NMT2: variants seen among roughly 807,000 people sequenced by gnomAD.
NMT2 encodes N-myristoyltransferase 2, also known as glycylpeptide N-tetradecanoyltransferase 2.
A neutral mutation model predicts 65.4 loss-of-function variants in NMT2; 35 were observed. That is an observed-to-expected ratio of 0.54 (90% CI 0.41 to 0.71). NMT2 has a LOEUF of 0.71. NMT2 is among the 30% of genes least tolerant of loss of function. The pLI, the probability that NMT2 is intolerant of heterozygous loss-of-function variation, is 0.00. For missense variants in NMT2, 489 were observed against 611.3 expected (o/e 0.80, Z 2.11); for synonymous variants, 226 against 231.8 (o/e 0.98, Z 0.23).
intron 6 of NMT2, among the ~76,000 whole-genome samples, chr10:15,131,263 C>T (rs1029784018): frequency 2.0e-5 from 3 of 151,486 alleles, no homozygotes; most frequent in Non-Finnish European, 4.4e-5. Context: ...GTCCATTATA[C>T]GTTTTCAGTT....
At chr10:15,117,997 T>C (rs1845799776) in intron 9 of NMT2, among the ~76,000 whole-genome samples, 1 of 152,160 alleles carries the variant, frequency 6.6e-6, no homozygotes, top group Non-Finnish European at 1.5e-5. Context: ...AGGTATTTTG[T>C]AGGCAAAAAT....
At chr10:15,112,420 G>C (rs45461898) in intron 10 of NMT2, among the ~76,000 whole-genome samples, 8,443 of 149,696 alleles carry the variant, frequency 0.056, 265 homozygotes, top group East Asian at 0.095. Context: ...GTAGAGACGA[G>C]GTTTCACCAT....
chr10:15,111,434 A>T (rs1048150578), intron 10 of NMT2, among the ~76,000 whole-genome samples: 1 of 147,658 alleles, frequency 6.8e-6, no homozygotes, highest in African/African-American at 2.5e-5. Flanking sequence ...TCACTTGAAC[A>T]TGGGAAGCAG....
chr10:15,122,829 A>G (rs1845967981), intron 8 of NMT2, among the ~76,000 whole-genome samples: 1 of 152,200 alleles, frequency 6.6e-6, no homozygotes, highest in East Asian at 1.9e-4. Context: ...TAAACAAAAG[A>G]CTACAGAAAT....
At chr10:15,127,580 AAATAAATAAATAAAT>A (rs1846135335) in intron 8 of NMT2, among the ~76,000 whole-genome samples, 1 of 71,496 alleles carries the variant, frequency 1.4e-5, no homozygotes. Flanking sequence ...ATAAATAAAT[AAATAAATAAATAAAT>A]AAAATAAAAT....
Position 15,168,691 on chromosome 10 carries a change from A to G in NMT2, c.-79T>C. On this transcript the variant is annotated 5_prime_UTR_variant, in exon 1 of 12. Coordinates refer to ENST00000378165, the MANE Select transcript of NMT2 (RefSeq NM_004808.3). ...AGCTCCCTCTAGTGCCTCCCGCCGT[A>G]CTGCTTGGAGTCGGAGCCCGGGCGC... 9.3e-7 allele frequency: 1 copy of G among 1,080,182 alleles called. No homozygotes were observed. Among genetic ancestry groups the G allele is most frequent in the African/African-American group, 1.7e-5 (1 of 58,892 alleles). The allele number at this position is 1,080,182 out of a possible 1,614,324, so 66.9% of individuals were successfully genotyped here. A position where few individuals can be genotyped will look rare whatever the true frequency, so the allele number is the denominator to read the frequency against.
chr10:15,133,173 T>C (rs771629917), intron 4 of NMT2, 29 bp from the exon 5 acceptor site: 3 of 1,604,824 alleles, frequency 1.9e-6, no homozygotes, highest in Non-Finnish European at 2.6e-6. Flanking sequence ...GTCCTATCCA[T>C]GGTGCTCAGA....
intron 8 of NMT2, among the ~76,000 whole-genome samples, chr10:15,124,302 T>C (rs1846014008): frequency 6.6e-6 from 1 of 152,146 alleles, no homozygotes; most frequent in Non-Finnish European, 1.5e-5. Flanking sequence ...GGGGAAACCT[T>C]AGTATTTTAG....
intron 10 of NMT2, among the ~76,000 whole-genome samples, chr10:15,110,186 C>T (rs1002475382): frequency 1.1e-4 from 17 of 152,234 alleles, no homozygotes; most frequent in Admixed American, 9.2e-4. Flanking sequence ...GGCAGGAGAA[C>T]TGCTTGAGCC....
chr10:15,132,806 TA>T lies in NMT2; in HGVS notation c.719+10del. On this transcript the variant is annotated intron_variant, in intron 6 of 11. Coordinates refer to ENST00000378165, the MANE Select transcript of NMT2 (RefSeq NM_004808.3). ...CATATAAAAACCGCATGGACGAGCTTAAACATGTACCTGTCATAAATCCGAA... is the reference window on the plus strand; with the variant it reads ...CATATAAAAACCGCATGGACGAGCTTAACATGTACCTGTCATAAATCCGAA... The T allele has an allele frequency of 6.4e-7, 1 of 1,570,538 alleles. No individual in the cohort carries two copies. The highest frequency in any genetic ancestry group is 8.7e-7 in the Non-Finnish European group (1 of 1,147,798).
At position 15,106,951 on chromosome 10, in the gene NMT2, CTT is replaced by C. The variant is rs1378919092; in HGVS notation, c.*2242_*2243del. On this transcript the variant is annotated 3_prime_UTR_variant, in exon 12 of 12. Transcript: ENST00000378165. ...CCTTGTCTCTACAAAAAATGAAAAA[CTT>C]AGCCAGGCGTGGTGGTATGCACGCC... is the stretch of plus-strand genomic sequence containing the variant. Among the ~76,000 whole-genome samples, 1 of 152,056 alleles carries C rather than the reference CTT, an allele frequency of 6.6e-6. No homozygotes were observed. The highest frequency in any genetic ancestry group is 1.5e-5 in the Non-Finnish European group (1 of 67,994).
At chr10:15,144,597 G>A (rs1241312776) in intron 1 of NMT2, among the ~76,000 whole-genome samples, 1 of 152,192 alleles carries the variant, frequency 6.6e-6, no homozygotes, top group East Asian at 1.9e-4. Flanking sequence ...TGGGCGTGGT[G>A]GCGGGCGCCT....
chr10:15,144,299 G>T (rs1019597653), intron 1 of NMT2, among the ~76,000 whole-genome samples: 1 of 152,154 alleles, frequency 6.6e-6, no homozygotes, highest in Non-Finnish European at 1.5e-5. Context: ...TTTATACAAT[G>T]ATGAGAGGCA....
chr10:15,163,381 C>A (rs1370363666), intron 1 of NMT2, among the ~76,000 whole-genome samples: 1 of 152,124 alleles, frequency 6.6e-6, no homozygotes, highest in African/African-American at 2.4e-5. Context: ...ACAAAGATGG[C>A]AAAGTATGTG....
At chr10:15,127,496 G>A (rs1192130591) in intron 8 of NMT2, among the ~76,000 whole-genome samples, 1 of 121,780 alleles carries the variant, frequency 8.2e-6, no homozygotes, top group African/African-American at 3.0e-5. Context: ...GCAGTGAGCC[G>A]AGATCCCGCC....
chr10:15,144,938 A>G (rs1364515371), intron 1 of NMT2, among the ~76,000 whole-genome samples: 1 of 152,222 alleles, frequency 6.6e-6, no homozygotes, highest in East Asian at 1.9e-4. Context: ...TCCACACAGG[A>G]ACTTGTTCAC....
At chr10:15,139,952 C>T (rs1206451851) in intron 2 of NMT2, 2 of 135,502 alleles carry the variant, frequency 1.5e-5, no homozygotes, top group East Asian at 4.7e-4. Context: ...AAAAATGCTC[C>T]AACTGGAACC....
At chr10:15,138,991 C>A (rs991765624) in intron 2 of NMT2, among the ~76,000 whole-genome samples, 3 of 151,986 alleles carry the variant, frequency 2.0e-5, no homozygotes, top group Non-Finnish European at 4.4e-5. Flanking sequence ...AAATGCAGAC[C>A]CACCCTTAAT....
intron 1 of NMT2, 68 bp from the exon 2 acceptor site, chr10:15,141,625 T>C: frequency 6.6e-7 from 1 of 1,519,276 alleles, no homozygotes; most frequent in Non-Finnish European, 8.8e-7. Flanking sequence ...TTGAATTGCA[T>C]ACAATTAATC....
Sources: allele counts gnomAD v4.1 joint callset (sites outside exome capture counted in the v4.1 genomes callset), GRCh38; gene constraint gnomAD v4.1.1; transcripts MANE v1.5; gene names NCBI Gene and HGNC (gene_info 2026-07-23, HGNC 2026-07-21).